Variants in RAD50 observed in about 807,000 individuals in gnomAD.
RAD50 encodes the protein RAD50 double strand break repair protein.
RAD50 carries 132 observed loss-of-function variants against 168.8 expected under a neutral mutation model. The observed-to-expected ratio is 0.78, with a 90% CI of 0.68 to 0.90. The LOEUF (loss-of-function observed/expected upper bound fraction) is 0.90. RAD50 is among the 40% of genes least tolerant of loss of function. RAD50 has a pLI of 0.00. For synonymous variants in RAD50, 525 were observed against 497.4 expected (o/e 1.06, Z -0.74); for missense variants, 1,347 against 1,534.4 (o/e 0.88, Z 2.04).
chr5:132,644,141 T>C lies in RAD50; in HGVS notation c.*1777T>C, dbSNP rs1388987623. 2.2e-5 allele frequency: 4 copies of C among 185,176 alleles called. No individual in the cohort carries two copies. The highest frequency in any genetic ancestry group is 3.9e-4 in the South Asian group (2 of 5,106). The allele number at this position is 185,176 out of a possible 1,614,324, so 11.5% of individuals were successfully genotyped here. A position where few individuals can be genotyped will look rare whatever the true frequency, so the allele number is the denominator to read the frequency against. On this transcript the variant is annotated 3_prime_UTR_variant, in exon 25 of 25. Transcript: ENST00000378823. The stretch of plus-strand genomic sequence containing the variant: ...TAACAAAGGCAATACACGATCAATA[T>C]AGGCAGTGAAACAAAAGTATCATTT...
chr5:132,638,081 A>G lies in RAD50; in HGVS notation c.3476A>G (p.Asp1159Gly). The part of the protein sequence containing the change: ...DLWRSTYRGQ[D>G]IEYIEIRSDA... Reference sequence around the variant, plus strand: ...TAAAATATTCTTCTTCCTGTGTCAGATATTGAATACATAGAAATACGGTCT... The same window carrying G: ...TAAAATATTCTTCTTCCTGTGTCAGGTATTGAATACATAGAAATACGGTCT... Residue 1159 changes from aspartate (D) to glycine (G), a missense_variant and splice_region_variant, in exon 23 of 25, where the codon GAT (aspartate) becomes GGT (glycine). Physicochemically the swap from Asp to Gly is moderately conservative, Grantham distance 94 (BLOSUM62 -1). Coordinates refer to ENST00000378823, the MANE Select transcript of RAD50 (RefSeq NM_005732.4). The G allele has an allele frequency of 3.7e-6, 6 of 1,614,028 alleles. No individual in the cohort carries two copies. The highest frequency in any genetic ancestry group is 5.1e-6 in the Non-Finnish European group (6 of 1,179,872).
At chr5:132,559,163 A>G (rs532788060) in intron 1 of RAD50, 121 bp from the exon 2 acceptor site, 1 of 987,190 alleles carries the variant, frequency 1.0e-6, no homozygotes, top group South Asian at 2.1e-5. Context: ...AGGTTTTATA[A>G]TGTCAGATTT....
chr5:132,579,744 C>A, intron 4 of RAD50, 118 bp from the exon 5 acceptor site: 1 of 974,724 alleles, frequency 1.0e-6, no homozygotes, highest in Non-Finnish European at 1.6e-6. Context: ...AGGCATTTTA[C>A]AAGTTATTAA....
At chr5:132,600,069 C>T (rs1310343042) in intron 13 of RAD50, 2 of 152,014 alleles carry the variant, frequency 1.3e-5, no homozygotes, top group East Asian at 1.9e-4. Flanking sequence ...TAGAATATGC[C>T]CTTGATGCCA....
chr5:132,572,991 G>A (rs1004422324), intron 2 of RAD50, among the ~76,000 whole-genome samples: 3 of 152,204 alleles, frequency 2.0e-5, no homozygotes, highest in African/African-American at 7.2e-5. Context: ...ATATGCCACA[G>A]CTGAGTTAAT....
Position 132,592,010 on chromosome 5 carries a change from C to G in RAD50, c.1769C>G (p.Thr590Ser), listed in dbSNP as rs786203895. 1.2e-6 allele frequency: 2 copies of G among 1,612,884 alleles called. No individual in the cohort carries two copies. Among genetic ancestry groups the G allele is most frequent in the Non-Finnish European group, 1.7e-6 (2 of 1,179,260 alleles). The change falls in exon 11 of 25, where the codon ACC becomes AGC. Residue 590 changes from threonine (T) to serine (S), a missense_variant. Coordinates refer to ENST00000378823, the MANE Select transcript of RAD50 (RefSeq NM_005732.4). ...LHSKSKEINQ[T>S]RDRLAKLNKE... ...AGTAAATCAAAAGAAATTAATCAGA[C>G]CAGGGACAGACTTGCCAAATTGAAG...
At position 132,642,995 on chromosome 5, in the gene RAD50, T is replaced by G. The variant is rs1561662392; in HGVS notation, c.*631T>G. 1.9e-6 allele frequency: 1 copy of G among 528,144 alleles called. No homozygotes were observed. The highest frequency in any genetic ancestry group is 1.5e-5 in the South Asian group (1 of 64,870). 32.7% of individuals were successfully genotyped at this position (528,144 alleles called of 1,614,324 possible). The stretch of plus-strand genomic sequence containing the variant: ...ACCCACCACCTTCTTCTCCTACATA[T>G]CCCTTCCAGATGGTCATCCAGACTC... On this transcript the variant is annotated 3_prime_UTR_variant, in exon 25 of 25. Coordinates refer to ENST00000378823, the MANE Select transcript of RAD50 (RefSeq NM_005732.4).
chr5:132,626,148 G>A (rs1214442750), intron 21 of RAD50, among the ~76,000 whole-genome samples: 1 of 152,090 alleles, frequency 6.6e-6, no homozygotes, highest in African/African-American at 2.4e-5. Flanking sequence ...GGAATTAGAC[G>A]TGAGCCACCG....
Position 132,591,312 on chromosome 5 carries a change from T to C in RAD50, c.1541T>C (p.Leu514Ser). ...AGTCTCCAAAATGAAAAAGCAGACTTAGACAGGACCCTGCGTAAACTTGAC... is the reference window on the plus strand; with the variant it reads ...AGTCTCCAAAATGAAAAAGCAGACTCAGACAGGACCCTGCGTAAACTTGAC... ...VISLQNEKADLDRTLRKLDQE... is the reference protein window; with the variant it reads ...VISLQNEKADSDRTLRKLDQE... Residue 514 changes from leucine (L) to serine (S), a missense_variant, in exon 10 of 25, where the codon TTA becomes TCA. Leu to Ser is a moderately radical substitution (Grantham distance 145, BLOSUM62 -2). Transcript: ENST00000378823. 6.2e-7 allele frequency: 1 copy of C among 1,613,594 alleles called. No homozygotes were observed. The highest frequency in any genetic ancestry group is 8.5e-7 in the Non-Finnish European group (1 of 1,179,570).
chr5:132,560,798 C>G (rs1216139529), intron 2 of RAD50, among the ~76,000 whole-genome samples: 2 of 152,166 alleles, frequency 1.3e-5, no homozygotes, highest in Non-Finnish European at 2.9e-5. Flanking sequence ...TAAACATGCT[C>G]TGGTATCTCT....
At chr5:132,633,098 C>CTTTTTT (rs34616055) in intron 21 of RAD50, among the ~76,000 whole-genome samples, 20 of 113,014 alleles carry the variant, frequency 1.8e-4, no homozygotes, top group East Asian at 2.5e-4. Flanking sequence ...TTCGTTTTTT[C>CTTTTTT]TTTTTTTTTT....
chr5:132,625,513 GT>G (rs142178632), intron 21 of RAD50, among the ~76,000 whole-genome samples: 3,691 of 152,186 alleles, frequency 0.024, 107 homozygotes, highest in African/African-American at 0.077. Flanking sequence ...GGTAAATGAG[GT>G]TTCCATCACC....
Position 132,618,052 on chromosome 5 carries a change from C to T in RAD50, c.3165-18C>T, listed in dbSNP as rs1751207064. 1.2e-6 allele frequency: 2 copies of T among 1,602,980 alleles called. No individual in the cohort carries two copies. Among genetic ancestry groups the T allele is most frequent in the African/African-American group, 2.7e-5 (2 of 74,664 alleles). On this transcript the variant is annotated intron_variant, in intron 20 of 24. Transcript: ENST00000378823. ...AAGCTAAAAAATGGTCCTCATTTGT[C>T]ATTTTTCTTTTTTACAGTGAACATC...
chr5:132,644,755 C>G lies in RAD50; in HGVS notation c.*2391C>G, dbSNP rs142871148. On this transcript the variant is annotated 3_prime_UTR_variant, in exon 25 of 25. Coordinates refer to ENST00000378823, the MANE Select transcript of RAD50 (RefSeq NM_005732.4). Reference sequence around the variant, plus strand: ...TCAATATCCAAGTGATGGTCTAATACAACTCCTTGGCCTCTCAGTCTTTTT... The same window carrying G: ...TCAATATCCAAGTGATGGTCTAATAGAACTCCTTGGCCTCTCAGTCTTTTT... The G allele has an allele frequency of 6.7e-4, 107 of 159,222 alleles. No homozygotes were observed. The highest frequency in any genetic ancestry group is 2.5e-3 in the African/African-American group (102 of 40,192). The allele number at this position is 159,222 out of a possible 1,614,324, so 9.9% of individuals were successfully genotyped here.
chr5:132,563,784 A>T (rs964631932), intron 2 of RAD50, among the ~76,000 whole-genome samples: 1 of 152,192 alleles, frequency 6.6e-6, no homozygotes, highest in African/African-American at 2.4e-5. Flanking sequence ...TGTAACCCCC[A>T]TTGTTGGAGG....
At chr5:132,589,499 A>C in intron 8 of RAD50, 132 bp from the exon 9 acceptor site, 1 of 684,210 alleles carries the variant, frequency 1.5e-6, no homozygotes, top group Non-Finnish European at 2.4e-6. Flanking sequence ...ATTTCTTGGA[A>C]TATATCCCTG....
chr5:132,637,083 A>G (rs754373421), intron 21 of RAD50, 32 bp from the exon 22 acceptor site: 7 of 1,546,220 alleles, frequency 4.5e-6, no homozygotes, highest in Non-Finnish European at 6.1e-6. Context: ...TATTTTTTAT[A>G]TATATGAAGT....
In RAD50 at chr5:132,609,329, G is replaced by T; in HGVS notation, c.2969G>T (p.Cys990Phe). Residue 990 changes from cysteine (C) to phenylalanine (F), a missense_variant, in exon 19 of 25, where the codon TGC (cysteine) becomes TTC (phenylalanine). Cys to Phe is a radical substitution (Grantham distance 205). This residue lies in a region of RAD50 where 635 missense variants were observed against 739.2 expected (regional missense o/e 0.86). Transcript: ENST00000378823. ...LNKVIAQLSE[C>F]EKHKEKINED... Reference sequence around the variant, plus strand: ...AAAGTAATAGCTCAACTAAGTGAATGCGAGAAACACAAAGAAAAGATAAAT... The same window carrying T: ...AAAGTAATAGCTCAACTAAGTGAATTCGAGAAACACAAAGAAAAGATAAAT... The T allele has an allele frequency of 6.2e-7, 1 of 1,613,730 alleles. No individual in the cohort carries two copies. Among genetic ancestry groups the T allele is most frequent in the Non-Finnish European group, 8.5e-7 (1 of 1,179,876 alleles).
rs577344856 is a variant in RAD50 at position 132,626,601 on chromosome 5, A to G, written c.3389+8307A>G. 2.0e-5 allele frequency among the ~76,000 whole-genome samples: 3 copies of G among 152,348 alleles called. No individual in the cohort carries two copies. The South Asian group carries it at 6.2e-4, about 32-fold the overall frequency. On this transcript the variant is annotated intron_variant, in intron 21 of 24. Coordinates refer to ENST00000378823, the MANE Select transcript of RAD50 (RefSeq NM_005732.4). ...CTTAAATTCTCTATTCTTTAATAGC[A>G]CTAAAGAACTAAATTCATTAAGAAA...
Sources: gnomAD v4.1 joint callset for allele counts (sites outside exome capture counted in the v4.1 genomes callset) on GRCh38, gnomAD v4.1.1 for gene constraint, gnomAD v4.1.1 regional missense constraint, MANE v1.5 for transcripts, NCBI Gene and HGNC (gene_info 2026-07-23, HGNC 2026-07-21) for gene names.